Variants in IL1RAPL2 observed in about 807,000 individuals in gnomAD.
IL1RAPL2 encodes the protein X-linked interleukin-1 receptor accessory protein-like 2.
IL1RAPL2 carries 3 observed loss-of-function variants against 44.1 expected under a neutral mutation model. That is an observed-to-expected ratio of 0.07 (90% CI 0.03 to 0.18). IL1RAPL2 has a LOEUF of 0.18. IL1RAPL2 is among the 10% of genes least tolerant of loss of function. The pLI is 1.00. For synonymous variants in IL1RAPL2, 181 were observed against 178.8 expected (o/e 1.01, Z -0.10); for missense variants, 391 against 496.4 (o/e 0.79, Z 2.02).
intron 5 of IL1RAPL2, among the ~76,000 whole-genome samples, chrX:105,389,514 A>G (rs2035505624): frequency 1.8e-5 from 2 of 112,003 alleles, no homozygotes; most frequent in African/African-American, 6.5e-5. Flanking sequence ...ACATTTCCTC[A>G]GAATAATTGT....
intron 2 of IL1RAPL2, among the ~76,000 whole-genome samples, chrX:105,113,406 C>G (rs1490977430): frequency 5.3e-5 from 6 of 112,207 alleles, no homozygotes; most frequent in Admixed American, 1.9e-4. Context: ...GAGGTAGGAC[C>G]AAGTGTTCTT....
At chrX:105,001,314 A>T (rs1212377286) in intron 2 of IL1RAPL2, among the ~76,000 whole-genome samples, 1 of 111,247 alleles carries the variant, frequency 9.0e-6, no homozygotes, top group Admixed American at 9.6e-5. Context: ...ATTTGCACAG[A>T]ATACCTGTAG....
intron 2 of IL1RAPL2, among the ~76,000 whole-genome samples, chrX:105,008,489 C>T (rs1246195388): frequency 1.8e-5 from 2 of 110,675 alleles, no homozygotes; most frequent in South Asian, 3.8e-4. Context: ...TATACAAAAA[C>T]AAGAAATGGG....
At chrX:104,845,739 A>G (rs1922031614) in intron 2 of IL1RAPL2, among the ~76,000 whole-genome samples, 1 of 112,138 alleles carries the variant, frequency 8.9e-6, no homozygotes, top group African/African-American at 3.2e-5. Flanking sequence ...TTTTTAGCAC[A>G]AATGACTCCA....
chrX:105,079,836 A>G (rs1275337034), intron 2 of IL1RAPL2, among the ~76,000 whole-genome samples: 3 of 111,096 alleles, frequency 2.7e-5, no homozygotes, highest in African/African-American at 6.5e-5. Flanking sequence ...AAGCATTCCT[A>G]TTTCTCCACA....
At chrX:104,745,201 C>T (rs191149304) in intron 2 of IL1RAPL2, among the ~76,000 whole-genome samples, 6 of 111,316 alleles carry the variant, frequency 5.4e-5, no homozygotes, top group Admixed American at 1.9e-4. Flanking sequence ...TTTTCCTTTA[C>T]GTGCTTTATG....
intron 2 of IL1RAPL2, among the ~76,000 whole-genome samples, chrX:104,911,154 C>A (rs1445916925): frequency 9.0e-6 from 1 of 111,549 alleles, no homozygotes; most frequent in Non-Finnish European, 1.9e-5. Context: ...AAATTATCAA[C>A]CTCCCATCTC....
intron 2 of IL1RAPL2, among the ~76,000 whole-genome samples, chrX:104,907,280 G>C (rs1290623535): frequency 9.0e-6 from 1 of 111,236 alleles, no homozygotes; most frequent in Non-Finnish European, 1.9e-5. Flanking sequence ...TTTTTTGAAG[G>C]GTTTTTTGTG....
At chrX:105,284,110 G>A (rs753755663) in intron 5 of IL1RAPL2, among the ~76,000 whole-genome samples, 17 of 111,499 alleles carry the variant, frequency 1.5e-4, no homozygotes, top group African/African-American at 5.5e-4. Context: ...TATGTGCTGG[G>A]TGCCATATTA....
chrX:104,771,968 T>G (rs1220491228), intron 2 of IL1RAPL2, among the ~76,000 whole-genome samples: 1 of 112,104 alleles, frequency 8.9e-6, no homozygotes, highest in Non-Finnish European at 1.9e-5. Context: ...ATGGATGTCC[T>G]TTTATAACCA....
At chrX:104,864,793 A>G (rs1486828568) in intron 2 of IL1RAPL2, among the ~76,000 whole-genome samples, 1 of 111,599 alleles carries the variant, frequency 9.0e-6, no homozygotes, top group Non-Finnish European at 1.9e-5. Flanking sequence ...CTGGCCTTTT[A>G]CCAGGATAGA....
At chrX:104,934,985 T>A (rs1924993046) in intron 2 of IL1RAPL2, among the ~76,000 whole-genome samples, 1 of 112,134 alleles carries the variant, frequency 8.9e-6, no homozygotes, top group African/African-American at 3.2e-5. Context: ...TCTGAATCTG[T>A]TTCCACAGCT....
At chrX:105,419,957 A>ATAGT (rs2147745018) in intron 5 of IL1RAPL2, among the ~76,000 whole-genome samples, 1 of 111,637 alleles carries the variant, frequency 9.0e-6, no homozygotes, top group African/African-American at 3.2e-5. Context: ...AAAGGATGAA[A>ATAGT]TAGTTACAAA....
chrX:104,983,577 A>ACATAATATATAATATATTATATG (rs2030497981), intron 2 of IL1RAPL2, among the ~76,000 whole-genome samples: 2 of 71,177 alleles, frequency 2.8e-5, no homozygotes, highest in Non-Finnish European at 5.8e-5. Flanking sequence ...TATATTATAG[A>ACATAATATATAATATATTATATG]CATAATATAT....
At chrX:105,475,921 G>T (rs1172387426) in intron 5 of IL1RAPL2, among the ~76,000 whole-genome samples, 3 of 111,993 alleles carry the variant, frequency 2.7e-5, no homozygotes, top group African/African-American at 9.7e-5. Flanking sequence ...AAATATTAGT[G>T]GAAATAAATG....
chrX:104,905,691 G>C lies in IL1RAPL2; in HGVS notation c.82+246696G>C, dbSNP rs370513548. Among the ~76,000 whole-genome samples the C allele has an allele frequency of 1.8e-3, 202 of 111,536 alleles. 3 individuals carry two copies. In the East Asian group the frequency reaches 0.036, roughly 20 times the overall value. On this transcript the variant is annotated intron_variant, in intron 2 of 10. Transcript: ENST00000372582. ...TCTGTTTTGGTACCAGTACCATGCT[G>C]TTTTGGTTACTGTAGCCTTGTAGTA...
chrX:104,577,467 C>G (rs1481968750), intron 1 of IL1RAPL2, among the ~76,000 whole-genome samples: 2 of 111,334 alleles, frequency 1.8e-5, no homozygotes, highest in East Asian at 5.6e-4. Context: ...GGATCCATCA[C>G]AGGGACAAAA....
At chrX:105,454,022 G>A (rs1467040598) in intron 5 of IL1RAPL2, among the ~76,000 whole-genome samples, 3 of 111,466 alleles carry the variant, frequency 2.7e-5, no homozygotes, top group African/African-American at 9.8e-5. Flanking sequence ...GCAAGGAAGG[G>A]ACAAAATTTT....
At chrX:105,383,601 A>T (rs1331512640) in intron 5 of IL1RAPL2, among the ~76,000 whole-genome samples, 2 of 112,127 alleles carry the variant, frequency 1.8e-5, no homozygotes, top group African/African-American at 6.5e-5. Flanking sequence ...TGATATGCTG[A>T]TGTCCTTTCT....
Sources: allele counts gnomAD v4.1 joint callset (sites outside exome capture counted in the v4.1 genomes callset), GRCh38; gene constraint gnomAD v4.1.1; transcripts MANE v1.5; gene names NCBI Gene and HGNC (gene_info 2026-07-23, HGNC 2026-07-21).